The following GRAMD1B variants were observed in gnomAD, a reference collection of about 807,000 sequenced individuals.
GRAMD1B encodes GRAM domain containing 1B.
A neutral mutation model predicts 99.7 loss-of-function variants in GRAMD1B; 37 were observed. The observed-to-expected ratio is 0.37, with a 90% CI of 0.29 to 0.49. GRAMD1B has a LOEUF of 0.49. Ranked by LOEUF, GRAMD1B falls within the 20% of genes least tolerant of loss-of-function variation. GRAMD1B has a pLI of 0.98. For synonymous variants in GRAMD1B, 427 were observed against 387.6 expected (o/e 1.10, Z -1.19); for missense variants, 888 against 1,009.2 (o/e 0.88, Z 1.63).
intron 1 of GRAMD1B, among the ~76,000 whole-genome samples, chr11:123,408,531 G>C (rs897399403): frequency 6.6e-6 from 1 of 152,232 alleles, no homozygotes; most frequent in Admixed American, 6.5e-5. Context: ...ATGTGTAAAT[G>C]GATGGCATGT....
intron 2 of GRAMD1B, among the ~76,000 whole-genome samples, chr11:123,501,475 C>T (rs1381538932): frequency 6.6e-6 from 1 of 152,094 alleles, no homozygotes; most frequent in Non-Finnish European, 1.5e-5. Flanking sequence ...CAGCCTGGAG[C>T]CCAAGTTCTT....
chr11:123,564,624 G>T (rs979552171), intron 2 of GRAMD1B, among the ~76,000 whole-genome samples: 1 of 152,220 alleles, frequency 6.6e-6, no homozygotes, highest in Admixed American at 6.5e-5. Flanking sequence ...TAGAGTCAGG[G>T]ACAGTATCCC....
chr11:123,610,373 G>C lies in GRAMD1B; in HGVS notation c.1919+35G>C, dbSNP rs764283048. The C allele has an allele frequency of 1.2e-6, 2 of 1,609,186 alleles. No individual in the cohort carries two copies. The highest frequency in any genetic ancestry group is 3.3e-5 in the Admixed American group (2 of 59,998). On this transcript the variant is annotated intron_variant, in intron 14 of 19. Coordinates refer to ENST00000635736, the MANE Select transcript of GRAMD1B (RefSeq NM_001387025.1). This position sits in a 1 kb window ranked among gnomAD's most constrained non-coding sequence, Gnocchi z 4.1. ...GTGGAAGTCCCAGTGCGGTCAGACG[G>C]GGGTCCTTACCTTAGAGAACATTCA...
chr11:123,580,027 CTG>C (rs1949172903), intron 3 of GRAMD1B, among the ~76,000 whole-genome samples: 1 of 152,202 alleles, frequency 6.6e-6, no homozygotes, highest in Non-Finnish European at 1.5e-5. Flanking sequence ...CAGACACATT[CTG>C]AGTTTTCTGA....
At chr11:123,583,395 CGT>C (rs754520823) in intron 3 of GRAMD1B, among the ~76,000 whole-genome samples, 4,753 of 81,152 alleles carry the variant, frequency 0.059, 108 homozygotes, top group Non-Finnish European at 0.086. Flanking sequence ...TGTATGTGTG[CGT>C]GTGTGTGTGT....
At chr11:123,447,648 T>A (rs1949701943) in intron 1 of GRAMD1B, among the ~76,000 whole-genome samples, 1 of 152,224 alleles carries the variant, frequency 6.6e-6, no homozygotes, top group Non-Finnish European at 1.5e-5. Context: ...TCAGTGAGAT[T>A]ATAAAATGGA....
intron 9 of GRAMD1B, among the ~76,000 whole-genome samples, chr11:123,603,838 A>G (rs978114329): frequency 3.3e-5 from 5 of 152,202 alleles, no homozygotes; most frequent in African/African-American, 7.2e-5. Context: ...CTGAAAATAC[A>G]TTAAAGGGGA....
At chr11:123,516,927 G>T (rs1941725867) in intron 2 of GRAMD1B, among the ~76,000 whole-genome samples, 2 of 152,124 alleles carry the variant, frequency 1.3e-5, no homozygotes, top group South Asian at 4.2e-4. Flanking sequence ...CATAAGTATG[G>T]TTCTGTTTTT....
At chr11:123,378,792 C>T (rs74370556) in intron 1 of GRAMD1B, among the ~76,000 whole-genome samples, 1,659 of 152,260 alleles carry the variant, frequency 0.011, 31 homozygotes, top group African/African-American at 0.038. Flanking sequence ...TGCATGTATC[C>T]CAGACCAAGC....
chr11:123,467,177 A>G (rs1272316367), intron 1 of GRAMD1B, among the ~76,000 whole-genome samples: 2 of 152,132 alleles, frequency 1.3e-5, no homozygotes, highest in African/African-American at 4.8e-5. Flanking sequence ...AAGGATTGGC[A>G]TGAAAAGTTA....
chr11:123,434,537 C>A (rs1949071320), intron 1 of GRAMD1B, among the ~76,000 whole-genome samples: 1 of 152,104 alleles, frequency 6.6e-6, no homozygotes, highest in Non-Finnish European at 1.5e-5. Flanking sequence ...GCCTGTAATC[C>A]CAGCACTTTG....
chr11:123,477,426 C>G (rs1383561865), intron 1 of GRAMD1B, among the ~76,000 whole-genome samples: 1 of 151,138 alleles, frequency 6.6e-6, no homozygotes, highest in Non-Finnish European at 1.5e-5. Context: ...ACTGGACTAG[C>G]TGTCTTGAGC....
chr11:123,389,136 G>A (rs770568939), intron 1 of GRAMD1B, among the ~76,000 whole-genome samples: 10 of 152,102 alleles, frequency 6.6e-5, no homozygotes, highest in Non-Finnish European at 1.5e-4. Flanking sequence ...TGTAATCCCA[G>A]CACTTTGGGA....
intron 1 of GRAMD1B, among the ~76,000 whole-genome samples, chr11:123,394,832 G>T (rs1183390360): frequency 1.3e-5 from 2 of 152,206 alleles, no homozygotes; most frequent in African/African-American, 4.8e-5. Flanking sequence ...CTTGGTCTCT[G>T]CTTCCAAGAT....
chr11:123,377,023 T>C (rs1946712142), intron 1 of GRAMD1B, among the ~76,000 whole-genome samples: 1 of 152,132 alleles, frequency 6.6e-6, no homozygotes. Flanking sequence ...TATCCTTCTC[T>C]CTCCCATCCA....
rs1298593423 is a variant in GRAMD1B at position 123,622,602 on chromosome 11, A to T, written c.*7A>T. 1 of 1,510,196 alleles carries T rather than the reference A, an allele frequency of 6.6e-7. No homozygotes were observed. Among genetic ancestry groups the T allele is most frequent in the Admixed American group, 2.0e-5 (1 of 51,104 alleles). 93.5% of individuals were successfully genotyped at this position (1,510,196 alleles called of 1,614,324 possible). On this transcript the variant is annotated 3_prime_UTR_variant, in exon 20 of 20. Transcript: ENST00000635736. ...GAGGAATCGCTATCATTGACAAGGCAGGAACAGGGTGGCTGCAAGAGGCCT... is the reference window on the plus strand; with the variant it reads ...GAGGAATCGCTATCATTGACAAGGCTGGAACAGGGTGGCTGCAAGAGGCCT...
At chr11:123,404,957 C>T (rs767627083) in intron 1 of GRAMD1B, among the ~76,000 whole-genome samples, 20 of 152,154 alleles carry the variant, frequency 1.3e-4, no homozygotes, top group Non-Finnish European at 2.6e-4. Context: ...ACTCTCTTGC[C>T]AAATCCTGTC....
chr11:123,465,220 A>G lies in GRAMD1B; in HGVS notation c.375-15596A>G, dbSNP rs145516779. ...TTTTCAGAGGTTGGTAGGGGAAGAG[A>G]AGCCAAGTAGAGATCAAGCAAAGAG... On this transcript the variant is annotated intron_variant, in intron 1 of 19. Coordinates refer to ENST00000635736, the MANE Select transcript of GRAMD1B (RefSeq NM_001387025.1). 3.7e-4 allele frequency among the ~76,000 whole-genome samples: 57 copies of G among 152,228 alleles called. No individual in the cohort carries two copies. The East Asian group carries it at 3.9e-3, about 10-fold the overall frequency.
At chr11:123,358,668 C>G (rs73023722) in exon 1 of GRAMD1B, 2,732 of 152,464 alleles carry the variant, frequency 0.018, 36 homozygotes, top group African/African-American at 0.027. Context: ...GGGACTGGCT[C>G]TCCTCTTTGC....
Sources: allele counts gnomAD v4.1 joint callset (sites outside exome capture counted in the v4.1 genomes callset), GRCh38; gene constraint gnomAD v4.1.1; non-coding constraint Gnocchi (gnomAD v3.1); transcripts MANE v1.5; gene names NCBI Gene and HGNC (gene_info 2026-07-23, HGNC 2026-07-21).